POLA1: variants seen among roughly 807,000 people sequenced by gnomAD.
POLA1 encodes DNA polymerase alpha 1, catalytic subunit.
Under a neutral mutation model 124.0 loss-of-function variants are expected in POLA1, and 15 were observed. That is an observed-to-expected ratio of 0.12 (90% confidence interval 0.08 to 0.19). The LOEUF is 0.19. Among genes scored for constraint, POLA1 ranks in the 10% least tolerant of loss-of-function variants. The pLI is 1.00. For missense variants in POLA1, 886 were observed against 1,103.4 expected (o/e 0.80, Z 2.79); for synonymous variants, 408 against 389.4 (o/e 1.05, Z -0.56).
chrX:24,704,421 A>G lies in POLA1; in HGVS notation c.298A>G (p.Ile100Val), dbSNP rs1426979079. 1 of 1,202,835 alleles carries G rather than the reference A, an allele frequency of 8.3e-7. No individual in the cohort carries two copies. The highest frequency in any genetic ancestry group is 2.2e-5 in the Admixed American group (1 of 45,711). The change falls in exon 4 of 37, where the codon ATT becomes GTT. Residue 100 changes from isoleucine (I) to valine (V), a missense_variant. Ile to Val is a conservative substitution (Grantham distance 29). This residue lies in a region of POLA1 where 337 missense variants were observed against 402.8 expected (regional missense o/e 0.84). Transcript: ENST00000379068. ...GIGYVEDGREIFDDDLEDDAL... is the reference protein window; with the variant it reads ...GIGYVEDGREVFDDDLEDDAL... ...TGGCTATGTGGAAGATGGCCGAGAGATTTTTGATGATGACCTTGAAGATGA... is the reference window on the plus strand; with the variant it reads ...TGGCTATGTGGAAGATGGCCGAGAGGTTTTTGATGATGACCTTGAAGATGA...
chrX:24,764,748 G>A (rs966003655), intron 26 of POLA1, among the ~76,000 whole-genome samples: 1 of 111,234 alleles, frequency 9.0e-6, no homozygotes, highest in African/African-American at 3.3e-5. Flanking sequence ...CAGTCGTAAG[G>A]TGCAGTTATT....
intron 26 of POLA1, among the ~76,000 whole-genome samples, chrX:24,774,480 C>T (rs952259121): frequency 1.8e-5 from 2 of 111,794 alleles, no homozygotes; most frequent in African/African-American, 6.5e-5. Context: ...TCGCTTTATT[C>T]GGGGCCAAGG....
At chrX:24,717,556 T>G in intron 9 of POLA1, 24 bp from the exon 10 acceptor site, 2 of 1,205,608 alleles carry the variant, frequency 1.7e-6, no homozygotes, top group Non-Finnish European at 2.2e-6. Flanking sequence ...TTTTGAAAGG[T>G]TTTTGAAAAT....
chrX:24,796,534 C>T (rs1251540245), intron 26 of POLA1, among the ~76,000 whole-genome samples: 1 of 110,453 alleles, frequency 9.1e-6, no homozygotes, highest in Non-Finnish European at 1.9e-5. Flanking sequence ...ATCAGGAGAA[C>T]CATGGAGCAC....
intron 26 of POLA1, among the ~76,000 whole-genome samples, chrX:24,761,966 A>G (rs769538475): frequency 2.8e-4 from 31 of 112,311 alleles, no homozygotes; most frequent in South Asian, 3.7e-4. Flanking sequence ...TGTAGGTGCA[A>G]AAATCTTACT....
intron 33 of POLA1, 151 bp from the exon 34 acceptor site, chrX:24,843,395 G>C (rs1424240978): frequency 8.1e-6 from 3 of 372,544 alleles, no homozygotes; most frequent in African/African-American, 7.9e-5. Context: ...GCGGTCTTTG[G>C]GAGGAAAATA....
At chrX:24,785,937 A>G (rs2045352808) in intron 26 of POLA1, among the ~76,000 whole-genome samples, 1 of 112,538 alleles carries the variant, frequency 8.9e-6, no homozygotes, top group Admixed American at 9.4e-5. Context: ...GATTCCACAT[A>G]TAAGTTACAT....
At chrX:24,959,292 C>T (rs938206070) in intron 36 of POLA1, among the ~76,000 whole-genome samples, 3 of 110,615 alleles carry the variant, frequency 2.7e-5, no homozygotes, top group Non-Finnish European at 3.8e-5. Flanking sequence ...GGTGAAACCC[C>T]GTCTCTGCTA....
intron 36 of POLA1, among the ~76,000 whole-genome samples, chrX:24,964,664 G>A (rs1329346600): frequency 8.9e-6 from 1 of 112,502 alleles, no homozygotes; most frequent in Non-Finnish European, 1.9e-5. Flanking sequence ...GAGTAATTCT[G>A]AGTAGTTCCT....
chrX:24,818,801 A>G (rs1025169497), intron 30 of POLA1, among the ~76,000 whole-genome samples: 6 of 112,229 alleles, frequency 5.3e-5, no homozygotes, highest in African/African-American at 1.9e-4. Flanking sequence ...TCATTTTACA[A>G]TTTTGCACAT....
At chrX:24,945,451 C>T (rs779073300) in intron 36 of POLA1, among the ~76,000 whole-genome samples, 12 of 112,091 alleles carry the variant, frequency 1.1e-4, no homozygotes, top group Non-Finnish European at 2.3e-4. Context: ...AAGCATGGTC[C>T]CTGTTCTCAA....
At chrX:24,772,840 A>G (rs2045066262) in intron 26 of POLA1, among the ~76,000 whole-genome samples, 2 of 112,000 alleles carry the variant, frequency 1.8e-5, no homozygotes, top group African/African-American at 6.5e-5. Flanking sequence ...GATATATACC[A>G]AAAGGAATAT....
At chrX:24,721,250 G>A (rs1179546952) in intron 10 of POLA1, among the ~76,000 whole-genome samples, 1 of 112,489 alleles carries the variant, frequency 8.9e-6, no homozygotes, top group African/African-American at 3.2e-5. Flanking sequence ...GTCTAGTTAT[G>A]CACTTAAGAA....
chrX:24,893,826 TTTTAAAG>T (rs1383660167), intron 35 of POLA1, among the ~76,000 whole-genome samples: 1 of 112,057 alleles, frequency 8.9e-6, no homozygotes, highest in African/African-American at 3.2e-5. Flanking sequence ...GTCAGTACAC[TTTTAAAG>T]TTTATTTTTA....
At position 24,955,342 on chromosome X, in the gene POLA1, T is replaced by C. The variant is rs771223285; in HGVS notation, c.4261+24793T>C. 5.1e-4 allele frequency among the ~76,000 whole-genome samples: 54 copies of C among 105,307 alleles called. No homozygotes were observed. In the Middle Eastern group the frequency reaches 0.029, roughly 57 times the overall value. 91.4% of individuals were successfully genotyped at this position (105,307 alleles called of 115,157 possible). A position where few individuals can be genotyped will look rare whatever the true frequency, so the allele number is the denominator to read the frequency against. The stretch of plus-strand genomic sequence containing the variant: ...CCACCCGCCCACCCCCACCAGCTAA[T>C]TCTTTTAAATTATTTTTTGTAGAGA... On this transcript the variant is annotated intron_variant, in intron 36 of 36. Coordinates refer to ENST00000379068, the MANE Select transcript of POLA1 (RefSeq NM_001330360.2).
At chrX:24,773,998 T>A (rs2045089818) in intron 26 of POLA1, among the ~76,000 whole-genome samples, 1 of 111,567 alleles carries the variant, frequency 9.0e-6, no homozygotes, top group Non-Finnish European at 1.9e-5. Flanking sequence ...AGAATTCAGG[T>A]ACAAGCTTCC....
At chrX:24,709,186 C>T (rs1929091709) in intron 4 of POLA1, among the ~76,000 whole-genome samples, 1 of 59,515 alleles carries the variant, frequency 1.7e-5, no homozygotes, top group Non-Finnish European at 3.2e-5. Context: ...GCTGGCCGGG[C>T]AGGGGGGCTG....
intron 35 of POLA1, among the ~76,000 whole-genome samples, chrX:24,914,693 G>T (rs1407661810): frequency 8.9e-6 from 1 of 111,824 alleles, no homozygotes; most frequent in African/African-American, 3.3e-5. Context: ...AGCAGTGTGT[G>T]TTTTTGACAA....
Position 24,995,830 on chromosome X carries a change from C to A in POLA1, c.4287C>A (p.Thr1429=), listed in dbSNP as rs761140698. The A allele has an allele frequency of 1.7e-6, 2 of 1,205,438 alleles. No homozygotes were observed. The highest frequency in any genetic ancestry group is 5.9e-5 in the East Asian group (2 of 33,766). The change falls in exon 37 of 37, where the codon ACC becomes ACA. Residue 1429 remains threonine, a synonymous_variant. Coordinates refer to ENST00000379068, the MANE Select transcript of POLA1 (RefSeq NM_001330360.2). The stretch of plus-strand genomic sequence containing the variant: ...ATAAATTGAAGAAGCAATTTTTTAC[C>A]CCCAAAGTTCTGCAGGACTACAGAA... The part of the protein sequence containing the change: ...EKDKLKKQFF[T]PKVLQDYRKL...
Sources: gnomAD v4.1 joint callset for allele counts (sites outside exome capture counted in the v4.1 genomes callset) on GRCh38, gnomAD v4.1.1 for gene constraint, gnomAD v4.1.1 regional missense constraint, MANE v1.5 for transcripts, NCBI Gene and HGNC (gene_info 2026-07-23, HGNC 2026-07-21) for gene names.